Variants in DOP1B observed in about 807,000 individuals in gnomAD.
DOP1B encodes the protein DOP1 leucine zipper like protein B.
In DOP1B, 174 loss-of-function variants were observed where a neutral mutation model predicts 233.5. The observed-to-expected ratio is 0.75, with a 90% CI of 0.66 to 0.85. The LOEUF is 0.85. Among genes scored for constraint, DOP1B ranks in the 40% least tolerant of loss-of-function variants. The probability of loss-of-function intolerance (pLI) is 0.00; values close to 1 mark genes in which losing one functional copy is unlikely to be tolerated. For missense variants in DOP1B, 2,652 were observed against 2,846.6 expected (o/e 0.93, Z 1.56); for synonymous variants, 1,190 against 1,185.6 (o/e 1.00, Z -0.08).
At chr21:36,164,277 C>G (rs868742171) in intron 1 of DOP1B, among the ~76,000 whole-genome samples, 1 of 152,164 alleles carries the variant, frequency 6.6e-6, no homozygotes, top group East Asian at 1.9e-4. Flanking sequence ...GACCCGTGAT[C>G]GTGCCACTGC....
intron 26 of DOP1B, among the ~76,000 whole-genome samples, chr21:36,267,294 A>T (rs535180790): frequency 7.2e-5 from 11 of 152,312 alleles, no homozygotes; most frequent in South Asian, 4.1e-4. Flanking sequence ...CTTGTATATT[A>T]TTGAAAGATG....
At chr21:36,188,016 A>G (rs1462800849) in intron 2 of DOP1B, among the ~76,000 whole-genome samples, 1 of 152,202 alleles carries the variant, frequency 6.6e-6, no homozygotes, top group African/African-American at 2.4e-5. Context: ...AAAAGGAAAA[A>G]AAAAGCATAT....
At chr21:36,183,607 A>C (rs2066127638) in intron 2 of DOP1B, among the ~76,000 whole-genome samples, 1 of 152,242 alleles carries the variant, frequency 6.6e-6, no homozygotes, top group Non-Finnish European at 1.5e-5. Flanking sequence ...CCTACAGAGC[A>C]GTTGCAGAGG....
chr21:36,238,835 G>A, intron 17 of DOP1B, 134 bp downstream of exon 17: 1 of 819,990 alleles, frequency 1.2e-6, no homozygotes. Flanking sequence ...GGGTGTGGTG[G>A]CTCACGCCTG....
intron 9 of DOP1B, among the ~76,000 whole-genome samples, chr21:36,216,591 A>C (rs888451536): frequency 3.9e-5 from 6 of 152,212 alleles, no homozygotes; most frequent in Admixed American, 3.3e-4. Context: ...AGCCTGGGCA[A>C]CAGAGTGAGA....
intron 2 of DOP1B, chr21:36,175,617 A>C (rs1461677061): frequency 1.3e-5 from 2 of 151,916 alleles, no homozygotes; most frequent in African/African-American, 2.4e-5. Flanking sequence ...ACATGGTGAA[A>C]TCCTGTTTCT....
chr21:36,172,444 C>T (rs1305472937), intron 2 of DOP1B, among the ~76,000 whole-genome samples: 1 of 152,130 alleles, frequency 6.6e-6, no homozygotes, highest in African/African-American at 2.4e-5. Context: ...ATTCAAGGGT[C>T]CCTGATAGGA....
At chr21:36,252,371 T>A (rs1177086871) in intron 22 of DOP1B, among the ~76,000 whole-genome samples, 1 of 149,082 alleles carries the variant, frequency 6.7e-6, no homozygotes, top group Non-Finnish European at 1.5e-5. Flanking sequence ...GATGGAAGGA[T>A]CACTTGAAGC....
intron 7 of DOP1B, among the ~76,000 whole-genome samples, chr21:36,213,795 C>A (rs567913287): frequency 6.6e-6 from 1 of 151,858 alleles, no homozygotes; most frequent in Non-Finnish European, 1.5e-5. Context: ...CCACCTTGGC[C>A]TCCCAAAGTG....
At chr21:36,253,179 A>G (rs1448995958) in intron 22 of DOP1B, among the ~76,000 whole-genome samples, 1 of 152,152 alleles carries the variant, frequency 6.6e-6, no homozygotes, top group African/African-American at 2.4e-5. Context: ...TTTCCTTCCA[A>G]GGCTAGCAAA....
At chr21:36,176,558 C>T (rs995902398) in intron 2 of DOP1B, among the ~76,000 whole-genome samples, 2 of 152,038 alleles carry the variant, frequency 1.3e-5, no homozygotes, top group African/African-American at 4.8e-5. Context: ...TGGCTATGAC[C>T]GTGAGGGTGG....
chr21:36,221,812 G>A (rs576978159), intron 10 of DOP1B, among the ~76,000 whole-genome samples: 11 of 151,816 alleles, frequency 7.2e-5, no homozygotes, highest in Non-Finnish European at 1.3e-4. Flanking sequence ...TCCTGACCTC[G>A]TGATCCACCT....
chr21:36,248,409 G>A lies in DOP1B; in HGVS notation c.4839G>A (p.Leu1613=). The A allele has an allele frequency of 1.2e-6, 2 of 1,614,008 alleles. No homozygotes were observed. Among genetic ancestry groups the A allele is most frequent in the Non-Finnish European group, 1.7e-6 (2 of 1,179,954 alleles). Residue 1613 remains leucine, a synonymous_variant, in exon 21 of 37, where the codon TTG becomes TTA. Coordinates refer to ENST00000691173, the MANE Select transcript of DOP1B (RefSeq NM_001320714.2). ...KTMAAGDPAN[L]RNARNAILEE... ...TGGCTGCAGGTGATCCTGCCAACTT[G>A]AGGAATGCCAGAAATGCCATTTTGG... is the stretch of plus-strand genomic sequence containing the variant.
intron 1 of DOP1B, among the ~76,000 whole-genome samples, chr21:36,163,149 A>G (rs2065882346): frequency 6.6e-6 from 1 of 151,998 alleles, no homozygotes; most frequent in Admixed American, 6.6e-5. Context: ...GTTCAAGACC[A>G]GCCTGACCAA....
chr21:36,233,881 T>C (rs1022717536), intron 15 of DOP1B, among the ~76,000 whole-genome samples: 1 of 151,950 alleles, frequency 6.6e-6, no homozygotes, highest in South Asian at 2.1e-4. Context: ...TGAGACGGAG[T>C]CCCGCTCTGT....
intron 27 of DOP1B, among the ~76,000 whole-genome samples, chr21:36,271,638 A>C (rs990503088): frequency 6.6e-6 from 1 of 151,870 alleles, no homozygotes; most frequent in Admixed American, 6.6e-5. Context: ...ACAACATACT[A>C]TGTGTGTGTG....
rs1555892411 is a variant in DOP1B, at chr21:36,228,815, A to AAATAAAAT, written c.1665+941_1665+948dup. ...AAATAAAATAAAATAAAATAAAATA[A>AAATAAAAT]AATAAAATAAAAAGGCATGGTGGTG... On this transcript the variant is annotated intron_variant, in intron 13 of 36. Coordinates refer to ENST00000691173, the MANE Select transcript of DOP1B (RefSeq NM_001320714.2). 9.1e-3 allele frequency among the ~76,000 whole-genome samples: 1,085 copies of AAATAAAAT among 119,492 alleles called. 20 individuals are homozygous for AAATAAAAT. Among genetic ancestry groups the AAATAAAAT allele is most frequent in the African/African-American group, 0.032 (963 of 30,442 alleles). The allele number at this position is 119,492 out of a possible 152,430, so 78.4% of individuals were successfully genotyped here.
intron 12 of DOP1B, among the ~76,000 whole-genome samples, 197 bp downstream of exon 12, chr21:36,225,864 T>A (rs554005069): frequency 6.6e-6 from 1 of 152,328 alleles, no homozygotes; most frequent in South Asian, 2.1e-4. Context: ...TAAAAGGGGC[T>A]ATAACTTTTG....
intron 1 of DOP1B, among the ~76,000 whole-genome samples, chr21:36,160,967 AACAGGTGT>A (rs1390117064): frequency 2.0e-5 from 3 of 152,206 alleles, no homozygotes; most frequent in Non-Finnish European, 4.4e-5. Context: ...CAATTGAGTC[AACAGGTGT>A]TTAGGAAGAA....
Sources: gnomAD v4.1 joint callset for allele counts (sites outside exome capture counted in the v4.1 genomes callset) on GRCh38, gnomAD v4.1.1 for gene constraint, MANE v1.5 for transcripts, NCBI Gene and HGNC (gene_info 2026-07-23, HGNC 2026-07-21) for gene names.